SEMA6C: variants seen among roughly 807,000 people sequenced by gnomAD.
SEMA6C encodes the protein semaphorin 6C.
Under a neutral mutation model 72.9 loss-of-function variants are expected in SEMA6C, and 37 were observed. That is an observed-to-expected ratio of 0.51 (90% confidence interval 0.39 to 0.67). The LOEUF is 0.67. Ranked by LOEUF, SEMA6C falls within the 30% of genes least tolerant of loss-of-function variation. The pLI is 0.00. For synonymous variants in SEMA6C, 578 were observed against 554.1 expected, an observed-to-expected ratio of 1.04 and a Z score of -0.61; for missense variants, 1,189 against 1,263.6, an observed-to-expected ratio of 0.94 and a Z score of 0.89.
intron 13 of SEMA6C, 21 bp downstream of exon 13, chr1:151,135,990 C>A: frequency 1.2e-6 from 2 of 1,613,870 alleles, no homozygotes; most frequent in African/African-American, 1.3e-5. Flanking sequence ...AGGCAGTGGT[C>A]AGTGTTTTTC....
Position 151,142,595 on chromosome 1 carries a change from G to C in SEMA6C, c.27C>G (p.Pro9=), listed in dbSNP as rs200341959. Residue 9 remains proline (P), a synonymous_variant, in exon 3 of 19, where the codon CCC becomes CCG. Coordinates refer to ENST00000368914, the MANE Select transcript of SEMA6C (RefSeq NM_030913.6). MPRAPHFM[P]LLLLLLLLSL... ...AGAGCAGCAGCAGCAGTAGCAGCAA[G>C]GGCATGAAGTGGGGGGCACGGGGCA... 3 of 1,600,922 alleles carry C rather than the reference G, an allele frequency of 1.9e-6. No individual in the cohort carries two copies. Among genetic ancestry groups the C allele is most frequent in the Non-Finnish European group, 2.6e-6 (3 of 1,173,368 alleles).
intron 2 of SEMA6C, 65 bp from the exon 3 acceptor site, chr1:151,142,740 C>T (rs1682653264): frequency 1.3e-6 from 1 of 783,234 alleles, no homozygotes; most frequent in Non-Finnish European, 2.0e-6. Flanking sequence ...AGCAAGCCAG[C>T]AGGCTCCTCT....
At chr1:151,135,931 C>T (rs587673660) in intron 13 of SEMA6C, 80 bp downstream of exon 13, 19 of 1,580,318 alleles carry the variant, frequency 1.2e-5, no homozygotes, top group African/African-American at 4.0e-5. Context: ...CCCACCAATG[C>T]GGTTTACCTT....
Position 151,138,325 on chromosome 1 carries a change from T to G in SEMA6C, c.538A>C (p.Ile180Leu), listed in dbSNP as rs1239038546. 6.2e-7 allele frequency: 1 copy of G among 1,613,920 alleles called. No homozygotes were observed. The highest frequency in any genetic ancestry group is 8.5e-7 in the Non-Finnish European group (1 of 1,179,900). The change falls in exon 8 of 19, where the codon ATC (isoleucine) becomes CTC (leucine). Residue 180 changes from isoleucine (I) to leucine (L), a missense_variant. Physicochemically the swap from Ile to Leu is conservative, Grantham distance 5. Around this residue, in one of 2 missense-constraint regions of SEMA6C, gnomAD observed 468 missense variants for 577.4 expected, o/e 0.81. Coordinates refer to ENST00000368914, the MANE Select transcript of SEMA6C (RefSeq NM_030913.6). The part of the protein sequence containing the change: ...PFDATQSNVA[I>L]FAEGSLYSAT... ...ATGCCCAGTTGCACACCTGCAAAGATGGCCACGTTGGACTGGGTGGCATCA... is the reference window on the plus strand; with the variant it reads ...ATGCCCAGTTGCACACCTGCAAAGAGGGCCACGTTGGACTGGGTGGCATCA...
rs1681688153 is a variant in SEMA6C, at chr1:151,132,979, G to A, written c.2298C>T (p.Thr766=). ...GCAGGTAGCGCAGCAGTTCCTCCAG[G>A]GTGGTGACTTCCACGGCCTGCCCGG... is the stretch of plus-strand genomic sequence containing the variant. ...GCPGQAVEVT[T]LEELLRYLHG... Residue 766 remains threonine, a synonymous_variant, in exon 19 of 19, where the codon ACC becomes ACT. Transcript: ENST00000368914. 1 of 1,413,802 alleles carries A rather than the reference G, an allele frequency of 7.1e-7. No homozygotes were observed. Among genetic ancestry groups the A allele is most frequent in the Non-Finnish European group, 9.3e-7 (1 of 1,080,050 alleles). The allele number at this position is 1,413,802 out of a possible 1,614,324, so 87.6% of individuals were successfully genotyped here.
intron 6 of SEMA6C, 129 bp downstream of exon 6, chr1:151,139,296 C>T: frequency 1.3e-6 from 1 of 796,528 alleles, no homozygotes; most frequent in African/African-American, 1.7e-5. Flanking sequence ...CTCTTTCCTT[C>T]TCATTTTCCC....
At position 151,135,163 on chromosome 1, in the gene SEMA6C, C is replaced by G. The variant is rs1681913315; in HGVS notation, c.1580G>C (p.Arg527Thr). The G allele has an allele frequency of 6.2e-7, 1 of 1,613,608 alleles. No individual in the cohort carries two copies. The stretch of plus-strand genomic sequence containing the variant: ...GGGCCTGGCCTCAGGCCCCTCTCAC[C>G]TCTGACAGGCCCCATGCCGGGCACA... ...SRCARHGACQ[R>T]SCLASQDPYC... The change falls in exon 15 of 19, where the codon AGG becomes ACG. Residue 527 changes from arginine (R) to threonine (T), a missense_variant and splice_region_variant. Around this residue, in one of 2 missense-constraint regions of SEMA6C, gnomAD observed 721 missense variants for 686.2 expected, o/e 1.05. Transcript: ENST00000368914.
chr1:151,135,010 C>G (rs1681901737), intron 15 of SEMA6C, 135 bp from the exon 16 acceptor site: 1 of 1,347,176 alleles, frequency 7.4e-7, no homozygotes, highest in Admixed American at 1.9e-5. Context: ...CTCTCCACAC[C>G]CTGGTTGCTG....
chr1:151,132,977 A>G lies in SEMA6C; in HGVS notation c.2300T>C (p.Leu767Pro). 4 of 1,412,652 alleles carry G rather than the reference A, an allele frequency of 2.8e-6. No individual in the cohort carries two copies. The highest frequency in any genetic ancestry group is 3.7e-6 in the Non-Finnish European group (4 of 1,079,384). 87.5% of individuals were successfully genotyped at this position (1,412,652 alleles called of 1,614,324 possible). ...GTGCAGGTAGCGCAGCAGTTCCTCC[A>G]GGGTGGTGACTTCCACGGCCTGCCC... ...CPGQAVEVTT[L>P]EELLRYLHGP... is the part of the protein sequence containing the mutation. Residue 767 changes from leucine (L) to proline (P), a missense_variant, in exon 19 of 19, where the codon CTG becomes CCG. By Grantham distance (98) the Leu-to-Pro change is moderately conservative. Transcript: ENST00000368914.
At chr1:151,135,332 CAG>C in intron 14 of SEMA6C, 23 bp from the exon 15 acceptor site, 1 of 1,599,702 alleles carries the variant, frequency 6.3e-7, no homozygotes, top group Non-Finnish European at 8.5e-7. Context: ...CAGAAGGAAC[CAG>C]AGATGGACAG....
In SEMA6C at chr1:151,133,419, C is replaced by T; in HGVS notation, c.1858G>A (p.Val620Ile). 6.3e-7 allele frequency: 1 copy of T among 1,591,948 alleles called. No individual in the cohort carries two copies. The highest frequency in any genetic ancestry group is 8.5e-7 in the Non-Finnish European group (1 of 1,172,602). The change falls in exon 19 of 19, where the codon GTC becomes ATC. Residue 620 changes from valine to isoleucine, a missense_variant. By Grantham distance (29) the Val-to-Ile change is conservative. Around this residue, in one of 2 missense-constraint regions of SEMA6C, gnomAD observed 721 missense variants for 686.2 expected, o/e 1.05. Coordinates refer to ENST00000368914, the MANE Select transcript of SEMA6C (RefSeq NM_030913.6). This position sits in a 1 kb window ranked among gnomAD's most constrained non-coding sequence, Gnocchi z 5.9. ...VAAAFALGAS[V>I]SGLLVSCACR... ...GCACAGGAGACCAGGAGGCCAGAGA[C>T]TGAGGCGCCCAGGGCAAAAGCTGCG...
Position 151,138,704 on chromosome 1 carries a change from G to A in SEMA6C, c.382C>T (p.Leu128Phe). ...AGCGTCTGGGAGTCCCAGGGAACAA[G>A]AACACGAATATAGTTGTAGCACTCA... is the stretch of plus-strand genomic sequence containing the variant. ...TDECYNYIRV[L>F]VPWDSQTLLA... The change falls in exon 7 of 19, where the codon CTT (leucine) becomes TTT (phenylalanine). Residue 128 changes from leucine (L) to phenylalanine (F), a missense_variant. By Grantham distance (22) the Leu-to-Phe change is conservative. Coordinates refer to ENST00000368914, the MANE Select transcript of SEMA6C (RefSeq NM_030913.6). The A allele has an allele frequency of 6.2e-7, 1 of 1,614,156 alleles. No individual in the cohort carries two copies. Among genetic ancestry groups the A allele is most frequent in the Non-Finnish European group, 8.5e-7 (1 of 1,179,998 alleles).
chr1:151,133,919 C>T lies in SEMA6C; in HGVS notation c.1760-402G>A, dbSNP rs1477661506. 1 of 1,457,364 alleles carries T rather than the reference C, an allele frequency of 6.9e-7. No individual in the cohort carries two copies. The highest frequency in any genetic ancestry group is 2.5e-5 in the East Asian group (1 of 40,462). The allele number at this position is 1,457,364 out of a possible 1,614,324, so 90.3% of individuals were successfully genotyped here. On this transcript the variant is annotated intron_variant, in intron 18 of 18. Coordinates refer to ENST00000368914, the MANE Select transcript of SEMA6C (RefSeq NM_030913.6). This position sits in a 1 kb window ranked among gnomAD's most constrained non-coding sequence, Gnocchi z 5.9. ...CTTAGAACGCTCCGAGAATCAGCAGCCCCACACTTCACTCCTATCTCTCCC... is the reference window on the plus strand; with the variant it reads ...CTTAGAACGCTCCGAGAATCAGCAGTCCCACACTTCACTCCTATCTCTCCC...
At chr1:151,141,732 CT>C (rs34150016) in intron 3 of SEMA6C, among the ~76,000 whole-genome samples, 115 of 107,068 alleles carry the variant, frequency 1.1e-3, no homozygotes, top group Non-Finnish European at 1.4e-3. Context: ...TTTTAATCGG[CT>C]TTTTTTTTTT....
rs1315774038 is a variant in SEMA6C, at chr1:151,146,168, C to A, written c.-105+265G>T. 2.0e-5 allele frequency: 3 copies of A among 152,254 alleles called. No individual in the cohort carries two copies. The highest frequency in any genetic ancestry group is 4.4e-5 in the Non-Finnish European group (3 of 68,090). The allele number at this position is 152,254 out of a possible 1,614,324, so 9.4% of individuals were successfully genotyped here. On this transcript the variant is annotated intron_variant, in intron 1 of 18. Coordinates refer to ENST00000368914, the MANE Select transcript of SEMA6C (RefSeq NM_030913.6). The surrounding 1 kb of genome is among the most constrained non-coding windows in gnomAD (Gnocchi z 4.6). The stretch of plus-strand genomic sequence containing the variant: ...CCTCAAATAATCCCTTTTCGCGCTT[C>A]CCAGTCCAGCGGGATGCGACTCGAC...
chr1:151,135,102 CTG>C (rs1681908020), intron 15 of SEMA6C, 59 bp downstream of exon 15: 1 of 1,592,084 alleles, frequency 6.3e-7, no homozygotes, highest in African/African-American at 1.3e-5. Flanking sequence ...ACCTGTGTTT[CTG>C]TGCTCTTGCT....
At chr1:151,140,143 C>G in intron 3 of SEMA6C, 53 bp from the exon 4 acceptor site, 1 of 1,446,192 alleles carries the variant, frequency 6.9e-7, no homozygotes, top group Non-Finnish European at 9.6e-7. Context: ...TTCCCCAACA[C>G]CCTCTCCAAC....
rs1330337901 is a variant in SEMA6C, at chr1:151,139,417, C to G, written c.354+8G>C. On this transcript the variant is annotated splice_region_variant and intron_variant, in intron 6 of 18. Transcript: ENST00000368914. ...TCCTTCCCTCCACATTCTCGTCTCA[C>G]TCCTTACCGTCAGCTTTCCCCGTAC... is the stretch of plus-strand genomic sequence containing the variant. 6.2e-7 allele frequency: 1 copy of G among 1,612,992 alleles called. No individual in the cohort carries two copies. Among genetic ancestry groups the G allele is most frequent in the Admixed American group, 1.7e-5 (1 of 60,024 alleles).
Position 151,133,955 on chromosome 1 carries a change from C to A in SEMA6C, c.1760-438G>T, listed in dbSNP as rs1312377793. On this transcript the variant is annotated intron_variant, in intron 18 of 18. Coordinates refer to ENST00000368914, the MANE Select transcript of SEMA6C (RefSeq NM_030913.6). This position sits in a 1 kb window ranked among gnomAD's most constrained non-coding sequence, Gnocchi z 5.9. ...ACTCCTATCTCTCCCAAGTAGCCCC[C>A]TTACCCCGAGTGTGAACTCCAAGAG... The A allele has an allele frequency of 6.5e-7, 1 of 1,546,916 alleles. No homozygotes were observed. The highest frequency in any genetic ancestry group is 1.4e-5 in the African/African-American group (1 of 72,908).
Sources: gnomAD v4.1 joint callset for allele counts (sites outside exome capture counted in the v4.1 genomes callset) on GRCh38, gnomAD v4.1.1 for gene constraint, gnomAD v4.1.1 regional missense constraint, Gnocchi (gnomAD v3.1) non-coding constraint, MANE v1.5 for transcripts, NCBI Gene and HGNC (gene_info 2026-07-23, HGNC 2026-07-21) for gene names.